THSD7B: variants seen among roughly 807,000 people sequenced by gnomAD.
THSD7B encodes the protein thrombospondin type-1 domain-containing protein 7B.
A neutral mutation model predicts 213.6 loss-of-function variants in THSD7B; 138 were observed. The observed-to-expected ratio is 0.65, with a 90% CI of 0.56 to 0.74. THSD7B has a LOEUF of 0.74. THSD7B is among the 30% of genes least tolerant of loss of function. The pLI is 0.00. For missense variants in THSD7B, 1,931 were observed against 1,991.5 expected, an observed-to-expected ratio of 0.97 and a Z score of 0.58; for synonymous variants, 742 against 687.0, an observed-to-expected ratio of 1.08 and a Z score of -1.25.
chr2:137,389,679 C>A (rs1685977167), intron 12 of THSD7B, among the ~76,000 whole-genome samples: 1 of 150,086 alleles, frequency 6.7e-6, no homozygotes, highest in Non-Finnish European at 1.5e-5. Flanking sequence ...CCTAGGTTTT[C>A]ATCTAGTATT....
intron 20 of THSD7B, among the ~76,000 whole-genome samples, chr2:137,625,736 A>G (rs1269516265): frequency 1.3e-5 from 2 of 152,144 alleles, no homozygotes; most frequent in Non-Finnish European, 2.9e-5. Context: ...GGCATTGCAC[A>G]CTGCCAATGG....
At chr2:137,208,022 T>G (rs1287044283) in intron 7 of THSD7B, among the ~76,000 whole-genome samples, 1 of 151,988 alleles carries the variant, frequency 6.6e-6, no homozygotes, top group African/African-American at 2.4e-5. Context: ...AATAACGAGA[T>G]GTAGATGAAC....
At chr2:137,485,666 C>T (rs1688422530) in intron 15 of THSD7B, among the ~76,000 whole-genome samples, 3 of 152,154 alleles carry the variant, frequency 2.0e-5, no homozygotes, top group African/African-American at 2.4e-5. Context: ...AGATACTCCT[C>T]GAGAAGTGCA....
chr2:136,791,871 T>A (rs916768827), intron 1 of THSD7B, among the ~76,000 whole-genome samples: 7 of 152,084 alleles, frequency 4.6e-5, no homozygotes, highest in African/African-American at 1.7e-4. Flanking sequence ...TGTGTGGACA[T>A]GTTTTCATTT....
At chr2:137,351,028 T>C (rs1461251825) in intron 12 of THSD7B, among the ~76,000 whole-genome samples, 2 of 151,236 alleles carry the variant, frequency 1.3e-5, no homozygotes, top group Admixed American at 1.3e-4. Flanking sequence ...CAACTGGAGC[T>C]AAGTGGAAAA....
intron 1 of THSD7B, among the ~76,000 whole-genome samples, chr2:136,834,640 AAT>A (rs1482478595): frequency 6.6e-6 from 1 of 152,050 alleles, no homozygotes; most frequent in African/African-American, 2.4e-5. Flanking sequence ...TGTAGATGGA[AAT>A]ACATTCTATA....
rs1055050360 is a variant in THSD7B at position 137,077,849 on chromosome 2, G to T, written c.951-17024G>T. On this transcript the variant is annotated intron_variant, in intron 3 of 27. Transcript: ENST00000409968. ...GTTTAATTAGATCCCATTTGTCAAT[G>T]TTGGCTTTTGTTGCCATTGCTTTTG... 2.7e-4 allele frequency among the ~76,000 whole-genome samples: 41 copies of T among 152,078 alleles called. 1 individual carries two copies. The highest frequency in any genetic ancestry group is 1.2e-4 in the Non-Finnish European group (8 of 67,990).
chr2:137,087,974 T>C (rs1194196051), intron 3 of THSD7B, among the ~76,000 whole-genome samples: 7 of 152,250 alleles, frequency 4.6e-5, no homozygotes, highest in African/African-American at 1.4e-4. Context: ...GCATGGTGGC[T>C]CACGCTTGTA....
chr2:136,771,915 T>C (rs1179877363), intron 1 of THSD7B, among the ~76,000 whole-genome samples: 1 of 152,138 alleles, frequency 6.6e-6, no homozygotes, highest in Non-Finnish European at 1.5e-5. Flanking sequence ...GCAACAAGTG[T>C]GACTAGTAAT....
rs752163501 is a variant in THSD7B at position 136,867,240 on chromosome 2, C to T, written c.-35-14904C>T. ...ATTTAATTCATGCCAAGAATAAAAT[C>T]ACAGACAGGCTATGACCTTGGCTGT... On this transcript the variant is annotated intron_variant, in intron 1 of 27. Transcript: ENST00000409968. Among the ~76,000 whole-genome samples the T allele has an allele frequency of 3.0e-4, 45 of 152,266 alleles. 1 individual carries two copies. The highest frequency in any genetic ancestry group is 5.9e-4 in the Non-Finnish European group (40 of 68,022).
chr2:137,047,923 T>G (rs917297196), intron 2 of THSD7B, among the ~76,000 whole-genome samples: 1 of 152,182 alleles, frequency 6.6e-6, no homozygotes, highest in African/African-American at 2.4e-5. Flanking sequence ...TGTTTTTTTA[T>G]TATACTTTAA....
chr2:137,570,496 G>A (rs1681332819), intron 16 of THSD7B, among the ~76,000 whole-genome samples: 1 of 151,956 alleles, frequency 6.6e-6, no homozygotes, highest in African/African-American at 2.4e-5. Context: ...TTTTAGTAGA[G>A]ACAGGGTTTC....
intron 14 of THSD7B, among the ~76,000 whole-genome samples, chr2:137,416,588 C>T (rs1686804998): frequency 6.6e-6 from 1 of 152,164 alleles, no homozygotes; most frequent in African/African-American, 2.4e-5. Flanking sequence ...GGCTCTGGCC[C>T]CACACAGGCT....
intron 24 of THSD7B, among the ~76,000 whole-genome samples, chr2:137,659,386 A>G (rs1683299263): frequency 6.6e-6 from 1 of 152,156 alleles, no homozygotes; most frequent in Admixed American, 6.5e-5. Context: ...TGGCTCACAT[A>G]GACTTTGTGC....
intron 16 of THSD7B, among the ~76,000 whole-genome samples, chr2:137,565,605 C>T (rs1218201364): frequency 2.6e-5 from 4 of 152,160 alleles, no homozygotes; most frequent in African/African-American, 9.7e-5. Context: ...ATTTTCAACA[C>T]ATGAATTTTA....
intron 17 of THSD7B, among the ~76,000 whole-genome samples, chr2:137,589,740 C>T (rs763051890): frequency 2.2e-4 from 33 of 152,096 alleles, no homozygotes; most frequent in Non-Finnish European, 3.7e-4. Flanking sequence ...TACATGCAAG[C>T]GTGTAGAATA....
chr2:137,653,942 G>A (rs1018194831), intron 21 of THSD7B, among the ~76,000 whole-genome samples: 4 of 151,578 alleles, frequency 2.6e-5, no homozygotes, highest in African/African-American at 7.3e-5. Context: ...TTCATCTGGG[G>A]TGGTCCTGCT....
chr2:137,147,877 A>G (rs148101875), intron 5 of THSD7B, among the ~76,000 whole-genome samples: 1 of 152,122 alleles, frequency 6.6e-6, no homozygotes, highest in East Asian at 1.9e-4. Context: ...TTTTTTTTAA[A>G]CATCCTTCTC....
At chr2:136,830,142 A>G (rs1682726361) in intron 1 of THSD7B, among the ~76,000 whole-genome samples, 1 of 152,098 alleles carries the variant, frequency 6.6e-6, no homozygotes, top group African/African-American at 2.4e-5. Context: ...ACACACACAC[A>G]CATACCTGAG....
Sources: gnomAD v4.1 joint callset for allele counts (sites outside exome capture counted in the v4.1 genomes callset) on GRCh38, gnomAD v4.1.1 for gene constraint, MANE v1.5 for transcripts, NCBI Gene and HGNC (gene_info 2026-07-23, HGNC 2026-07-21) for gene names.